Variants in ZPBP observed in about 807,000 individuals in gnomAD.
ZPBP encodes zona pellucida binding protein.
ZPBP carries 26 observed loss-of-function variants against 44.8 expected under a neutral mutation model. That is an observed-to-expected ratio of 0.58 (90% CI 0.43 to 0.81). The LOEUF (loss-of-function observed/expected upper bound fraction) is 0.81, where lower values mean the gene tolerates loss of function less well. Among genes scored for constraint, ZPBP ranks in the 30% least tolerant of loss-of-function variants. The pLI is 0.00. For synonymous variants in ZPBP, 174 were observed against 153.2 expected (o/e 1.14, Z -1.00); for missense variants, 409 against 434.0 (o/e 0.94, Z 0.51).
At chr7:50,088,592 C>T (rs2136071) in intron 2 of ZPBP, among the ~76,000 whole-genome samples, 127,183 of 151,846 alleles carry the variant, frequency 0.84, 53,298 homozygotes, top group East Asian at 0.92. Context: ...AATTTAAAAA[C>T]GGGCAAAGGA....
intron 7 of ZPBP, among the ~76,000 whole-genome samples, chr7:49,960,364 T>C (rs1030696896): frequency 2.6e-5 from 4 of 151,832 alleles, no homozygotes; most frequent in Non-Finnish European, 4.4e-5. Flanking sequence ...GAGGTTGCAA[T>C]GAGCTCATGC....
downstream of ZPBP, chr7:49,936,032 G>A (rs1386873615): frequency 1.3e-5 from 2 of 151,966 alleles, no homozygotes; most frequent in Non-Finnish European, 2.9e-5. Context: ...CAAACATAAG[G>A]AACAAAAAGG....
intron 2 of ZPBP, among the ~76,000 whole-genome samples, chr7:49,897,259 T>C (rs1448263863): frequency 6.6e-6 from 1 of 152,184 alleles, no homozygotes; most frequent in Non-Finnish European, 1.5e-5. Context: ...AAGAATTAAT[T>C]AGTATCCTTA....
intron 1 of ZPBP, chr7:49,915,775 T>C (rs1206306348): frequency 1.3e-5 from 2 of 152,226 alleles, no homozygotes; most frequent in Non-Finnish European, 2.9e-5. Context: ...CTACTTTTCA[T>C]TGTTATTTTT....
intron 2 of ZPBP, among the ~76,000 whole-genome samples, chr7:49,873,499 T>C (rs1194301623): frequency 6.6e-6 from 1 of 152,152 alleles, no homozygotes; most frequent in African/African-American, 2.4e-5. Context: ...ATATGAAATC[T>C]GGGGGGCACA....
At chr7:50,061,065 C>G (rs982706150) in intron 3 of ZPBP, among the ~76,000 whole-genome samples, 1 of 152,048 alleles carries the variant, frequency 6.6e-6, no homozygotes, top group Non-Finnish European at 1.5e-5. Context: ...AGAAATCACA[C>G]GATCATCTCA....
At chr7:50,001,830 TA>T (rs1798110944) in intron 6 of ZPBP, among the ~76,000 whole-genome samples, 1 of 152,126 alleles carries the variant, frequency 6.6e-6, no homozygotes, top group South Asian at 2.1e-4. Context: ...TAGTAAAATG[TA>T]AAAGAGAAGA....
chr7:49,846,768 T>TA (rs1157177333), downstream of ZPBP, among the ~76,000 whole-genome samples: 1 of 152,234 alleles, frequency 6.6e-6, no homozygotes, highest in Non-Finnish European at 1.5e-5. Context: ...AATTTCCTGA[T>TA]ATAGGAATGC....
chr7:50,054,704 C>T (rs1219213329), intron 4 of ZPBP, among the ~76,000 whole-genome samples: 2 of 152,010 alleles, frequency 1.3e-5, no homozygotes, highest in Non-Finnish European at 2.9e-5. Flanking sequence ...GAAAATACCA[C>T]TTGTAGTTTA....
At position 49,958,108 on chromosome 7, in the gene ZPBP, G is replaced by C. The variant is rs149240147; in HGVS notation, c.962-20486C>G. The stretch of plus-strand genomic sequence containing the variant: ...TCTCCCTTTTGGAAATATATCCTCT[G>C]CCTGTTCCACCATAATATTTTGAAG... On this transcript the variant is annotated intron_variant, in intron 7 of 7. Coordinates refer to ENST00000046087, the MANE Select transcript of ZPBP (RefSeq NM_007009.3). 5.0e-4 allele frequency among the ~76,000 whole-genome samples: 76 copies of C among 152,226 alleles called. No individual in the cohort carries two copies. In the East Asian group the frequency reaches 0.013, roughly 26 times the overall value.
At chr7:49,919,915 GATTA>G (rs1330581744) in intron 1 of ZPBP, 3 of 152,170 alleles carry the variant, frequency 2.0e-5, no homozygotes, top group African/African-American at 4.8e-5. Context: ...GTAGGTTTTA[GATTA>G]ATTATGGCCA....
intron 2 of ZPBP, among the ~76,000 whole-genome samples, chr7:49,852,944 G>A (rs903208509): frequency 2.0e-5 from 3 of 152,136 alleles, no homozygotes; most frequent in South Asian, 4.1e-4. Context: ...GAGAAGTTAG[G>A]CCTCCAAACA....
chr7:50,049,118 TC>T (rs1450507665), intron 4 of ZPBP, among the ~76,000 whole-genome samples: 5 of 151,946 alleles, frequency 3.3e-5, no homozygotes, highest in Admixed American at 3.3e-4. Context: ...TGAAACTGAC[TC>T]AAGTAGAAAC....
intron 2 of ZPBP, among the ~76,000 whole-genome samples, chr7:49,896,996 C>T (rs944380116): frequency 2.6e-5 from 4 of 151,482 alleles, no homozygotes; most frequent in East Asian, 1.9e-4. Flanking sequence ...CCCGGGTTCA[C>T]GCCATTCTCC....
chr7:50,056,523 G>A (rs1282700789), intron 4 of ZPBP: 2 of 152,130 alleles, frequency 1.3e-5, no homozygotes. Flanking sequence ...TTGCCATGTA[G>A]GGCAACACAC....
intron 7 of ZPBP, among the ~76,000 whole-genome samples, chr7:49,959,684 T>G (rs1442049445): frequency 6.6e-6 from 1 of 152,204 alleles, no homozygotes; most frequent in African/African-American, 2.4e-5. Context: ...ATTAATTTTG[T>G]CTTTAGAGTC....
chr7:50,042,659 C>T (rs1490118135), intron 4 of ZPBP, among the ~76,000 whole-genome samples: 1 of 152,162 alleles, frequency 6.6e-6, no homozygotes, highest in South Asian at 2.1e-4. Context: ...ACAAGAGCTC[C>T]TGAAGGAAGC....
chr7:49,937,333 T>C, downstream of ZPBP: 1 of 537,530 alleles, frequency 1.9e-6, no homozygotes, highest in Non-Finnish European at 3.3e-6. Flanking sequence ...TAGAATCATA[T>C]GTAGGTTTGG....
At chr7:49,980,056 TTTATA>T (rs1215223934) in intron 7 of ZPBP, among the ~76,000 whole-genome samples, 13 of 85,338 alleles carry the variant, frequency 1.5e-4, no homozygotes, top group Admixed American at 5.7e-4. Context: ...ATAATATAAT[TTTATA>T]TTATATTATA....
Sources: gnomAD v4.1 joint callset for allele counts (sites outside exome capture counted in the v4.1 genomes callset) on GRCh38, gnomAD v4.1.1 for gene constraint, MANE v1.5 for transcripts, NCBI Gene and HGNC (gene_info 2026-07-23, HGNC 2026-07-21) for gene names.